The following RMDN2 variants were observed in gnomAD, a reference collection of about 807,000 sequenced individuals.
The protein encoded by RMDN2 is regulator of microtubule dynamics 2, also known as regulator of microtubule dynamics protein 2.
In RMDN2, 61 loss-of-function variants were observed where a neutral mutation model predicts 52.8. That is an observed-to-expected ratio of 1.16 (90% CI 0.94 to 1.43). RMDN2 has a LOEUF of 1.43. RMDN2 is among the 40% of genes most tolerant of loss of function. RMDN2 has a pLI of 0.00. For synonymous variants in RMDN2, 180 were observed against 153.1 expected (o/e 1.18, Z -1.30); for missense variants, 592 against 475.3 (o/e 1.25, Z -2.28).
At chr2:37,966,785 A>G (rs1232532701) in intron 2 of RMDN2, among the ~76,000 whole-genome samples, 2 of 152,164 alleles carry the variant, frequency 1.3e-5, no homozygotes, top group Non-Finnish European at 1.5e-5. Flanking sequence ...AATATTATGA[A>G]AAAACTATGC....
chr2:38,010,440 C>T (rs1278958087), intron 10 of RMDN2, among the ~76,000 whole-genome samples: 1 of 152,192 alleles, frequency 6.6e-6, no homozygotes, highest in Non-Finnish European at 1.5e-5. Context: ...CTTGCTGCTG[C>T]CTTGCAGTTT....
At chr2:38,066,982 G>A (rs1273833363) in exon 11 of RMDN2, 1 of 1,613,810 alleles carries the variant, frequency 6.2e-7, no homozygotes, top group Non-Finnish European at 8.5e-7. Flanking sequence ...ACATTAATAG[G>A]AGCTGTAGTC....
chr2:38,044,448 A>G lies in RMDN2; in HGVS notation c.1714-22534A>G, dbSNP rs577077148. ...TTATTTTGAAAACAGTTCAGTCATTAGTACTTCAAATATATCTTCTGCCCT... is the reference window on the plus strand; with the variant it reads ...TTATTTTGAAAACAGTTCAGTCATTGGTACTTCAAATATATCTTCTGCCCT... On this transcript the variant is annotated intron_variant, in intron 10 of 10. Transcript: ENST00000234195. 2.0e-5 allele frequency among the ~76,000 whole-genome samples: 3 copies of G among 152,148 alleles called. 1 individual carries two copies. In the South Asian group the frequency reaches 6.2e-4, roughly 32 times the overall value.
chr2:37,927,726 C>G (rs1386816196), intron 1 of RMDN2, among the ~76,000 whole-genome samples: 1 of 152,144 alleles, frequency 6.6e-6, no homozygotes, highest in Non-Finnish European at 1.5e-5. Flanking sequence ...TGAATATTAG[C>G]TGGAATGCAG....
chr2:38,056,817 T>C (rs1333432240), intron 10 of RMDN2, among the ~76,000 whole-genome samples: 1 of 152,232 alleles, frequency 6.6e-6, no homozygotes, highest in African/African-American at 2.4e-5. Flanking sequence ...AATTATAAGC[T>C]TTTTTCAGTT....
At chr2:37,936,127 G>T (rs1667267607) in intron 2 of RMDN2, among the ~76,000 whole-genome samples, 1 of 152,076 alleles carries the variant, frequency 6.6e-6, no homozygotes, top group African/African-American at 2.4e-5. Context: ...TCAACTCCCA[G>T]TTATAGTGAG....
intron 10 of RMDN2, among the ~76,000 whole-genome samples, chr2:38,016,018 T>A (rs1252819171): frequency 6.6e-6 from 1 of 152,174 alleles, no homozygotes; most frequent in Admixed American, 6.5e-5. Flanking sequence ...ATATAGCCAA[T>A]ATATTAAGTG....
At chr2:38,051,098 A>T (rs1681568143) in intron 10 of RMDN2, among the ~76,000 whole-genome samples, 2 of 152,164 alleles carry the variant, frequency 1.3e-5, no homozygotes, top group South Asian at 4.1e-4. Context: ...TTTAGGAAAG[A>T]CATCACCAAC....
At chr2:38,018,086 G>A (rs113173279), downstream of RMDN2, among the ~76,000 whole-genome samples, 20,523 of 152,186 alleles carry the variant, frequency 0.13, 1,658 homozygotes, top group East Asian at 0.22. Flanking sequence ...TTAAGGCAGG[G>A]ACCAGCCATT....
At chr2:37,984,910 A>G (rs1489176134) in intron 5 of RMDN2, among the ~76,000 whole-genome samples, 1 of 152,174 alleles carries the variant, frequency 6.6e-6, no homozygotes, top group Non-Finnish European at 1.5e-5. Flanking sequence ...ACACACAAAC[A>G]TAGGTAGAAT....
chr2:37,992,260 A>G (rs895340479), intron 7 of RMDN2, among the ~76,000 whole-genome samples: 1 of 152,206 alleles, frequency 6.6e-6, no homozygotes, highest in African/African-American at 2.4e-5. Context: ...TCCAAAATTT[A>G]TGCTCTTTAT....
At chr2:38,050,808 G>A (rs1167361676) in intron 10 of RMDN2, among the ~76,000 whole-genome samples, 1 of 152,146 alleles carries the variant, frequency 6.6e-6, no homozygotes, top group Non-Finnish European at 1.5e-5. Flanking sequence ...GCACAGGCTG[G>A]AGTGCGGTGG....
intron 7 of RMDN2, among the ~76,000 whole-genome samples, chr2:37,992,983 C>T (rs1346968089): frequency 6.6e-6 from 1 of 152,066 alleles, no homozygotes; most frequent in Non-Finnish European, 1.5e-5. Flanking sequence ...GGCATGATCT[C>T]GGCTCACTGC....
At chr2:37,930,137 C>T (rs1470947609) in intron 2 of RMDN2, among the ~76,000 whole-genome samples, 1 of 152,242 alleles carries the variant, frequency 6.6e-6, no homozygotes, top group African/African-American at 2.4e-5. Context: ...CACTAGCCCC[C>T]TCTGGCCACA....
chr2:37,983,646 A>G (rs1221425074), intron 5 of RMDN2, among the ~76,000 whole-genome samples: 1 of 152,198 alleles, frequency 6.6e-6, no homozygotes, highest in African/African-American at 2.4e-5. Context: ...ATTAAATAGT[A>G]GATGTTTGAG....
chr2:38,064,038 C>A (rs1682167037), intron 10 of RMDN2, among the ~76,000 whole-genome samples: 2 of 152,064 alleles, frequency 1.3e-5, no homozygotes, highest in South Asian at 4.2e-4. Context: ...GAAGTACACA[C>A]AATCACATGT....
intron 10 of RMDN2, among the ~76,000 whole-genome samples, chr2:38,035,423 A>G (rs1266178866): frequency 1.3e-5 from 2 of 152,200 alleles, no homozygotes; most frequent in East Asian, 3.8e-4. Context: ...TACCAACAAG[A>G]TTCTTTTTAT....
chr2:38,048,852 G>A (rs1482026587), intron 10 of RMDN2, among the ~76,000 whole-genome samples: 1 of 152,200 alleles, frequency 6.6e-6, no homozygotes. Flanking sequence ...TCTATGAGTT[G>A]GCAAACCTGA....
chr2:37,941,813 A>T (rs1042182896), intron 2 of RMDN2, among the ~76,000 whole-genome samples: 2 of 151,866 alleles, frequency 1.3e-5, no homozygotes, highest in African/African-American at 4.8e-5. Flanking sequence ...CAGCCAGTGG[A>T]TCTTAGTTTG....
Sources: allele counts gnomAD v4.1 joint callset (sites outside exome capture counted in the v4.1 genomes callset), GRCh38; gene constraint gnomAD v4.1.1; transcripts MANE v1.5; gene names NCBI Gene and HGNC (gene_info 2026-07-23, HGNC 2026-07-21).